The following FAT3 variants were observed in gnomAD, a reference collection of about 807,000 sequenced individuals.
FAT3 encodes the protein protocadherin Fat 3.
In FAT3, 95 loss-of-function variants were observed where a neutral mutation model predicts 310.2. The observed-to-expected ratio is 0.31, with a 90% CI of 0.26 to 0.36. The LOEUF is 0.36. Ranked by LOEUF, FAT3 falls within the 10% of genes least tolerant of loss-of-function variation. The probability of loss-of-function intolerance (pLI) is 1.00; values close to 1 mark genes in which losing one functional copy is unlikely to be tolerated. For missense variants in FAT3, 5,408 were observed against 5,715.6 expected, an observed-to-expected ratio of 0.95 and a Z score of 1.74; for synonymous variants, 2,314 against 2,192.9, an observed-to-expected ratio of 1.06 and a Z score of -1.54.
At chr11:92,640,284 C>T (rs568554419) in intron 3 of FAT3, among the ~76,000 whole-genome samples, 2 of 152,104 alleles carry the variant, frequency 1.3e-5, no homozygotes, top group Non-Finnish European at 2.9e-5. Context: ...GCCTCTCACT[C>T]CTGCCAACTG....
chr11:92,408,520 T>C (rs1350489776), intron 2 of FAT3, among the ~76,000 whole-genome samples: 1 of 152,158 alleles, frequency 6.6e-6, no homozygotes, highest in Non-Finnish European at 1.5e-5. Context: ...AAGATGACAC[T>C]GAATTAAATA....
intron 4 of FAT3, among the ~76,000 whole-genome samples, chr11:92,702,298 T>A (rs1268935862): frequency 4.6e-5 from 7 of 152,154 alleles, no homozygotes; most frequent in Admixed American, 4.6e-4. Flanking sequence ...AGTGTGTGAA[T>A]GAATGCTTAC....
chr11:92,392,657 A>T (rs1949776473), intron 2 of FAT3, among the ~76,000 whole-genome samples: 1 of 152,180 alleles, frequency 6.6e-6, no homozygotes, highest in South Asian at 2.1e-4. Flanking sequence ...CTCCTTTACT[A>T]CAGAAAGGGA....
At chr11:92,627,997 A>C (rs1456694303) in intron 3 of FAT3, among the ~76,000 whole-genome samples, 1 of 152,166 alleles carries the variant, frequency 6.6e-6, no homozygotes, top group Non-Finnish European at 1.5e-5. Context: ...GACCTCAGAA[A>C]TGTTGACTCG....
At chr11:92,822,568 TC>T (rs548804058) in intron 13 of FAT3, among the ~76,000 whole-genome samples, 71 of 152,332 alleles carry the variant, frequency 4.7e-4, no homozygotes, top group Admixed American at 1.9e-3. Flanking sequence ...TTGTGAGGCC[TC>T]CTTGACAGGC....
intron 4 of FAT3, among the ~76,000 whole-genome samples, chr11:92,713,763 T>G (rs999496481): frequency 1.3e-5 from 2 of 152,238 alleles, no homozygotes; most frequent in African/African-American, 2.4e-5. Flanking sequence ...AAATGCGTAT[T>G]TTCCCAGTTG....
intron 4 of FAT3, among the ~76,000 whole-genome samples, chr11:92,707,585 A>G (rs1430942704): frequency 6.6e-6 from 1 of 152,150 alleles, no homozygotes; most frequent in African/African-American, 2.4e-5. Context: ...CTGAACAATC[A>G]TGAGAACTCC....
chr11:92,685,776 C>T (rs1943619030), intron 3 of FAT3, among the ~76,000 whole-genome samples: 1 of 151,904 alleles, frequency 6.6e-6, no homozygotes, highest in Admixed American at 6.6e-5. Flanking sequence ...CTGGAGAAGT[C>T]ACAGTCTATT....
At chr11:92,425,305 C>A (rs1950607899) in intron 2 of FAT3, among the ~76,000 whole-genome samples, 1 of 151,836 alleles carries the variant, frequency 6.6e-6, no homozygotes, top group Non-Finnish European at 1.5e-5. Flanking sequence ...TCAGAGAGGG[C>A]CCAAAGATCA....
At chr11:92,858,477 C>T (rs3847547) in intron 20 of FAT3, among the ~76,000 whole-genome samples, 117,293 of 152,096 alleles carry the variant, frequency 0.77, 45,510 homozygotes, top group South Asian at 0.89. Flanking sequence ...TCCACATATT[C>T]CACCTTTCCC....
At chr11:92,774,484 AGAG>A (rs1946545830) in intron 7 of FAT3, among the ~76,000 whole-genome samples, 2 of 152,332 alleles carry the variant, frequency 1.3e-5, no homozygotes, top group South Asian at 2.1e-4. Context: ...GAATTTACAA[AGAG>A]GAGGACATCT....
intron 1 of FAT3, among the ~76,000 whole-genome samples, chr11:92,277,658 C>T (rs1946309248): frequency 6.6e-6 from 1 of 152,042 alleles, no homozygotes; most frequent in South Asian, 2.1e-4. Flanking sequence ...ATTGGGCATA[C>T]ATGGGCGTAA....
intron 4 of FAT3, among the ~76,000 whole-genome samples, chr11:92,741,303 A>G (rs1378909367): frequency 2.0e-5 from 3 of 151,996 alleles, no homozygotes; most frequent in Non-Finnish European, 4.4e-5. Flanking sequence ...CACCTCACAA[A>G]TTGCTGGTGT....
At chr11:92,671,364 G>A (rs918149193) in intron 3 of FAT3, among the ~76,000 whole-genome samples, 5 of 152,048 alleles carry the variant, frequency 3.3e-5, no homozygotes, top group Non-Finnish European at 7.4e-5. Flanking sequence ...CCTTCTTTCC[G>A]TTTCACTAGT....
At chr11:92,602,661 A>G (rs1940086846) in intron 3 of FAT3, among the ~76,000 whole-genome samples, 1 of 152,236 alleles carries the variant, frequency 6.6e-6, no homozygotes, top group Non-Finnish European at 1.5e-5. Flanking sequence ...AGAGGCACTG[A>G]TGATCCACCT....
At position 92,701,844 on chromosome 11, in the gene FAT3, A is replaced by G. The variant is rs149093601; in HGVS notation, c.3669+4399A>G. 4.5e-3 allele frequency among the ~76,000 whole-genome samples: 680 copies of G among 152,332 alleles called. 4 individuals are homozygous for G. Among genetic ancestry groups the G allele is most frequent in the African/African-American group, 0.016 (650 of 41,570 alleles). ...AAATGCACTAACTCTGTCTTATTAT[A>G]TAATCACTTGTATGGATTGTGTTTT... On this transcript the variant is annotated intron_variant, in intron 4 of 27. Coordinates refer to ENST00000525166, the MANE Select transcript of FAT3 (RefSeq NM_001367949.2).
intron 1 of FAT3, among the ~76,000 whole-genome samples, chr11:92,271,524 A>G (rs1223905656): frequency 6.6e-6 from 1 of 152,046 alleles, no homozygotes; most frequent in East Asian, 1.9e-4. Context: ...GACTGTTTAT[A>G]TGTTGTATTC....
chr11:92,639,219 T>C lies in FAT3; in HGVS notation c.3608-58165T>C, dbSNP rs79771041. On this transcript the variant is annotated intron_variant, in intron 3 of 27. Transcript: ENST00000525166. ...GGAGATTAATGAGTGTAACACCTTC[T>C]AGGATCTCCAGGGCTTCATCATTAG... 1.0e-2 allele frequency among the ~76,000 whole-genome samples: 1,516 copies of C among 152,298 alleles called. 26 individuals carry two copies. Among genetic ancestry groups the C allele is most frequent in the African/African-American group, 0.034 (1,423 of 41,570 alleles).
intron 1 of FAT3, among the ~76,000 whole-genome samples, chr11:92,294,448 G>A (rs919512101): frequency 2.0e-5 from 3 of 151,960 alleles, no homozygotes; most frequent in African/African-American, 7.2e-5. Flanking sequence ...TACTGCTAAG[G>A]AGCCTAAGCT....
Sources: allele counts gnomAD v4.1 joint callset (sites outside exome capture counted in the v4.1 genomes callset), GRCh38; gene constraint gnomAD v4.1.1; transcripts MANE v1.5; gene names NCBI Gene and HGNC (gene_info 2026-07-23, HGNC 2026-07-21).